Variants in ANKFN1 observed in about 807,000 individuals in gnomAD.
ANKFN1 encodes the protein ankyrin repeat and fibronectin type III domain containing 1, also known as ankyrin repeat and fibronectin type-III domain-containing protein 1.
In ANKFN1, 74 loss-of-function variants were observed where a neutral mutation model predicts 108.7. The ratio of observed to expected loss-of-function variants is 0.68; its 90% CI spans 0.56 to 0.83. ANKFN1 has a LOEUF of 0.83. Ranked by LOEUF, ANKFN1 falls within the 40% of genes least tolerant of loss-of-function variation. The pLI, the probability that ANKFN1 is intolerant of heterozygous loss-of-function variation, is 0.00. For missense variants in ANKFN1, 1,505 were observed against 1,382.3 expected, an observed-to-expected ratio of 1.09 and a Z score of -1.41; for synonymous variants, 547 against 516.2, an observed-to-expected ratio of 1.06 and a Z score of -0.81.
chr17:56,470,520 C>A (rs1673676654), intron 15 of ANKFN1, among the ~76,000 whole-genome samples: 1 of 152,142 alleles, frequency 6.6e-6, no homozygotes, highest in African/African-American at 2.4e-5. Context: ...TGCTAGGCTG[C>A]CCTCAGGACA....
rs1373066844 is a variant in ANKFN1, at chr17:56,153,673, G to T, written c.-71+143G>T. The T allele has an allele frequency of 6.1e-6, 7 of 1,148,604 alleles. No individual in the cohort carries two copies. The South Asian group carries it at 6.6e-5, about 11-fold the overall frequency. 71.2% of individuals were successfully genotyped at this position (1,148,604 alleles called of 1,614,324 possible). Reference sequence around the variant, plus strand: ...GCATCCATGGTCAGGCAGAGGGAAAGCTGGTTTCATTTCTGTAAACAGGCA... The same window carrying T: ...GCATCCATGGTCAGGCAGAGGGAAATCTGGTTTCATTTCTGTAAACAGGCA... On this transcript the variant is annotated intron_variant, in intron 1 of 20. Transcript: ENST00000682825.
chr17:56,248,500 T>G (rs1652952910), intron 3 of ANKFN1, among the ~76,000 whole-genome samples: 1 of 152,220 alleles, frequency 6.6e-6, no homozygotes, highest in African/African-American at 2.4e-5. Flanking sequence ...GGATAAATAT[T>G]TGTTGAATGA....
chr17:56,273,540 A>G (rs950620285), intron 3 of ANKFN1, among the ~76,000 whole-genome samples: 39 of 152,204 alleles, frequency 2.6e-4, no homozygotes, highest in African/African-American at 9.4e-4. Flanking sequence ...ATACAATTAC[A>G]GACACTCACC....
intron 6 of ANKFN1, among the ~76,000 whole-genome samples, chr17:56,360,701 T>C (rs145456715): frequency 6.6e-6 from 1 of 152,224 alleles, no homozygotes; most frequent in African/African-American, 2.4e-5. Context: ...TGATCTTTTT[T>C]ATGTTTTCAA....
At chr17:56,415,157 T>G (rs1349049564) in intron 8 of ANKFN1, among the ~76,000 whole-genome samples, 1 of 152,172 alleles carries the variant, frequency 6.6e-6, no homozygotes, top group East Asian at 1.9e-4. Flanking sequence ...ATCTGGAACA[T>G]GACAAGGATG....
At chr17:56,168,344 T>C (rs2143547863) in intron 1 of ANKFN1, among the ~76,000 whole-genome samples, 1 of 151,846 alleles carries the variant, frequency 6.6e-6, no homozygotes, top group Non-Finnish European at 1.5e-5. Flanking sequence ...TGTAATAACC[T>C]CATCAGGCAG....
At chr17:56,363,291 T>C (rs2046574241) in intron 6 of ANKFN1, among the ~76,000 whole-genome samples, 1 of 151,994 alleles carries the variant, frequency 6.6e-6, no homozygotes, top group Non-Finnish European at 1.5e-5. Context: ...GACATACAAA[T>C]GACCAACAGA....
At chr17:56,376,357 G>A (rs1284777145) in intron 8 of ANKFN1, among the ~76,000 whole-genome samples, 1 of 152,164 alleles carries the variant, frequency 6.6e-6, no homozygotes, top group Non-Finnish European at 1.5e-5. Context: ...AGAGAAAGCA[G>A]CCTTAGGGTA....
At chr17:56,396,052 A>C (rs877634) in intron 8 of ANKFN1, among the ~76,000 whole-genome samples, 85,105 of 152,090 alleles carry the variant, frequency 0.56, 28,053 homozygotes, top group East Asian at 0.96. Flanking sequence ...CAAAACAAAA[A>C]AAACAAAAAA....
chr17:56,415,049 T>A (rs915947571), intron 8 of ANKFN1, among the ~76,000 whole-genome samples: 4 of 151,386 alleles, frequency 2.6e-5, no homozygotes, highest in African/African-American at 9.7e-5. Context: ...CTCAAAAAAT[T>A]GGGTATAGAA....
chr17:56,207,221 G>A lies in ANKFN1; in HGVS notation c.-70-5377G>A, dbSNP rs541479464. Among the ~76,000 whole-genome samples the A allele has an allele frequency of 2.3e-3, 357 of 152,270 alleles. 2 individuals carry two copies. Among genetic ancestry groups the A allele is most frequent in the African/African-American group, 8.2e-3 (340 of 41,558 alleles). On this transcript the variant is annotated intron_variant, in intron 1 of 20. Coordinates refer to ENST00000682825, the MANE Select transcript of ANKFN1 (RefSeq NM_001370326.1). Reference sequence around the variant, plus strand: ...TGAACAGCAGCATCAGCATCACCTGGGAGTTCATTAGAAAAGCAGATTCTC... The same window carrying A: ...TGAACAGCAGCATCAGCATCACCTGAGAGTTCATTAGAAAAGCAGATTCTC...
rs115250472 is a variant in ANKFN1, at chr17:56,478,958, G to T, written c.1940+1304G>T. Among the ~76,000 whole-genome samples, 399 of 152,210 alleles carry T rather than the reference G, an allele frequency of 2.6e-3. 1 individual carries two copies. The highest frequency in any genetic ancestry group is 9.0e-3 in the African/African-American group (373 of 41,548). On this transcript the variant is annotated intron_variant, in intron 16 of 20. Coordinates refer to ENST00000682825, the MANE Select transcript of ANKFN1 (RefSeq NM_001370326.1). ...ATGACAATGGAGGAAATGATGATGA[G>T]GAGGAGGAGGGAACTCACTGACTAC...
intron 20 of ANKFN1, 36 bp from the exon 21 acceptor site, chr17:56,510,437 C>G: frequency 6.6e-7 from 1 of 1,516,724 alleles, no homozygotes. Context: ...CTAGCTAAGA[C>G]TATATTTTTC....
chr17:56,220,043 T>G (rs889080558), intron 2 of ANKFN1, among the ~76,000 whole-genome samples: 1 of 152,240 alleles, frequency 6.6e-6, no homozygotes, highest in African/African-American at 2.4e-5. Context: ...TAACTTAGTA[T>G]GCTGGTAAAC....
At chr17:56,297,681 T>G (rs1289532153) in intron 3 of ANKFN1, among the ~76,000 whole-genome samples, 1 of 152,164 alleles carries the variant, frequency 6.6e-6, no homozygotes, top group Non-Finnish European at 1.5e-5. Flanking sequence ...CTATTGATGG[T>G]GTGAGTGTTG....
chr17:56,419,828 A>G (rs561282532), intron 8 of ANKFN1, among the ~76,000 whole-genome samples: 17 of 149,836 alleles, frequency 1.1e-4, no homozygotes, highest in Admixed American at 3.3e-4. Context: ...AAAAAAAAAA[A>G]GAAAGAAATA....
Position 56,477,569 on chromosome 17 carries a change from G to A in ANKFN1, c.1855G>A (p.Val619Met), listed in dbSNP as rs761951762. 6.2e-7 allele frequency: 1 copy of A among 1,612,582 alleles called. No homozygotes were observed. Among genetic ancestry groups the A allele is most frequent in the South Asian group, 1.1e-5 (1 of 91,030 alleles). ...GGGTTACCTAAAGCTCTGTAGCTCTGTGGATCAAATCAAAGTTCTTGTTAC... is the reference window on the plus strand; with the variant it reads ...GGGTTACCTAAAGCTCTGTAGCTCTATGGATCAAATCAAAGTTCTTGTTAC... ...YLGYLKLCSS[V>M]DQIKVLVTQK... Residue 619 changes from valine (V) to methionine (M), a missense_variant, in exon 16 of 21, where the codon GTG becomes ATG. Coordinates refer to ENST00000682825, the MANE Select transcript of ANKFN1 (RefSeq NM_001370326.1).
At chr17:56,433,351 C>A (rs1323099270) in intron 8 of ANKFN1, among the ~76,000 whole-genome samples, 1 of 151,948 alleles carries the variant, frequency 6.6e-6, no homozygotes, top group Non-Finnish European at 1.5e-5. Flanking sequence ...TAAGCAACTT[C>A]TTTGTTGAAT....
chr17:56,286,603 C>A (rs951935807), intron 3 of ANKFN1, among the ~76,000 whole-genome samples: 2 of 152,174 alleles, frequency 1.3e-5, no homozygotes, highest in East Asian at 1.9e-4. Flanking sequence ...TACAACATGG[C>A]GGCAGGACTC....
Sources: allele counts gnomAD v4.1 joint callset (sites outside exome capture counted in the v4.1 genomes callset), GRCh38; gene constraint gnomAD v4.1.1; transcripts MANE v1.5; gene names NCBI Gene and HGNC (gene_info 2026-07-23, HGNC 2026-07-21).